The following ROBO1 variants were observed in gnomAD, a reference collection of about 807,000 sequenced individuals.
The protein encoded by ROBO1 is roundabout guidance receptor 1, also known as roundabout homolog 1.
Under a neutral mutation model 195.9 loss-of-function variants are expected in ROBO1, and 149 were observed. That is an observed-to-expected ratio of 0.76 (90% confidence interval 0.67 to 0.87). The LOEUF is 0.87. Among genes scored for constraint, ROBO1 ranks in the 40% least tolerant of loss-of-function variants. ROBO1 has a pLI of 0.00. For missense variants in ROBO1, 1,933 were observed against 2,068.3 expected (o/e 0.93, Z 1.27); for synonymous variants, 816 against 733.2 (o/e 1.11, Z -1.82).
At chr3:79,061,484 A>C (rs2078916389) in intron 3 of ROBO1, among the ~76,000 whole-genome samples, 1 of 152,216 alleles carries the variant, frequency 6.6e-6, no homozygotes, top group South Asian at 2.1e-4. Flanking sequence ...CTTTCTTCAC[A>C]GAATTGGAAA....
At chr3:79,254,825 G>A (rs954177241) in intron 2 of ROBO1, among the ~76,000 whole-genome samples, 5 of 152,058 alleles carry the variant, frequency 3.3e-5, no homozygotes, top group Non-Finnish European at 7.4e-5. Context: ...TTTTCTCTAT[G>A]ATCCTCCTCA....
intron 5 of ROBO1, among the ~76,000 whole-genome samples, chr3:78,720,217 G>A (rs1381759692): frequency 6.6e-6 from 1 of 152,166 alleles, no homozygotes; most frequent in South Asian, 2.1e-4. Flanking sequence ...ACAATGCCTT[G>A]TAAATAGTAA....
At chr3:79,226,073 C>T (rs1355006766) in intron 2 of ROBO1, among the ~76,000 whole-genome samples, 1 of 152,160 alleles carries the variant, frequency 6.6e-6, no homozygotes. Flanking sequence ...TTTTTTTAAC[C>T]TCATATGAAC....
At chr3:78,629,897 G>A (rs1035502269) in intron 25 of ROBO1, among the ~76,000 whole-genome samples, 2 of 152,116 alleles carry the variant, frequency 1.3e-5, no homozygotes, top group African/African-American at 2.4e-5. Flanking sequence ...TCTTGTGTCA[G>A]TTCTCACACG....
intron 1 of ROBO1, among the ~76,000 whole-genome samples, chr3:79,656,274 T>A (rs900948552): frequency 1.3e-4 from 19 of 151,884 alleles, no homozygotes; most frequent in African/African-American, 4.1e-4. Flanking sequence ...ATGTAAAGTC[T>A]GTGGTGAAAG....
At chr3:79,479,221 T>C (rs1196635622) in intron 2 of ROBO1, among the ~76,000 whole-genome samples, 1 of 152,240 alleles carries the variant, frequency 6.6e-6, no homozygotes, top group Admixed American at 6.5e-5. Context: ...GGGGCGGATT[T>C]CGTGGAAGAT....
intron 4 of ROBO1, among the ~76,000 whole-genome samples, chr3:78,773,685 T>C (rs2083434466): frequency 1.3e-5 from 2 of 152,162 alleles, no homozygotes. Context: ...TAGTCTACAC[T>C]CTGTCATGTG....
chr3:78,600,073 C>T (rs1199497741), intron 30 of ROBO1, 40 bp downstream of exon 30: 1 of 1,513,328 alleles, frequency 6.6e-7, no homozygotes, highest in African/African-American at 1.4e-5. Context: ...AAAACAACCA[C>T]AGTCTAACAT....
At chr3:79,473,353 T>C (rs1938383785) in intron 2 of ROBO1, among the ~76,000 whole-genome samples, 1 of 152,074 alleles carries the variant, frequency 6.6e-6, no homozygotes, top group African/African-American at 2.4e-5. Context: ...AAATTGTCTC[T>C]CAGAGACTCC....
intron 2 of ROBO1, among the ~76,000 whole-genome samples, chr3:79,501,315 A>T (rs1159877430): frequency 6.6e-6 from 1 of 152,056 alleles, no homozygotes; most frequent in Non-Finnish European, 1.5e-5. Flanking sequence ...ACGAAGCACC[A>T]CCTCAATGAC....
intron 1 of ROBO1, among the ~76,000 whole-genome samples, chr3:79,722,546 A>T (rs1385111346): frequency 6.6e-6 from 1 of 152,180 alleles, no homozygotes. Flanking sequence ...TGGTCATTCC[A>T]GTTAATTATC....
At chr3:78,752,377 G>A (rs1181472322) in intron 4 of ROBO1, among the ~76,000 whole-genome samples, 1 of 152,056 alleles carries the variant, frequency 6.6e-6, no homozygotes, top group East Asian at 1.9e-4. Context: ...TATGTAAAAT[G>A]TTGACGTCTG....
intron 2 of ROBO1, among the ~76,000 whole-genome samples, chr3:79,324,543 AAG>A (rs1253509085): frequency 2.6e-5 from 4 of 152,132 alleles, no homozygotes; most frequent in African/African-American, 7.2e-5. Context: ...CCTCAATGAC[AAG>A]AGAGAGTTCT....
chr3:79,311,681 C>T (rs145839139), intron 2 of ROBO1, among the ~76,000 whole-genome samples: 1 of 152,022 alleles, frequency 6.6e-6, no homozygotes, highest in African/African-American at 2.4e-5. Context: ...AGAGATGTGG[C>T]CTCCAGTAAT....
chr3:79,630,156 G>A (rs7618126), intron 1 of ROBO1, among the ~76,000 whole-genome samples: 86,687 of 151,776 alleles, frequency 0.57, 26,218 homozygotes, highest in East Asian at 0.89. Flanking sequence ...AACTAGTATC[G>A]TCCTCAAACC....
intron 4 of ROBO1, among the ~76,000 whole-genome samples, chr3:78,778,953 G>A (rs547183143): frequency 1.1e-4 from 16 of 152,042 alleles, no homozygotes; most frequent in Middle Eastern, 3.4e-3. Context: ...ATAACGCCAC[G>A]CATCTACGAC....
At chr3:79,160,186 T>C (rs2080930726) in intron 2 of ROBO1, among the ~76,000 whole-genome samples, 1 of 151,956 alleles carries the variant, frequency 6.6e-6, no homozygotes, top group African/African-American at 2.4e-5. Flanking sequence ...AATTGATTTC[T>C]CAAGCGTTGA....
At chr3:79,537,808 G>T (rs72901975) in intron 2 of ROBO1, among the ~76,000 whole-genome samples, 13,196 of 151,888 alleles carry the variant, frequency 0.087, 589 homozygotes, top group East Asian at 0.16. Context: ...CCAGGTGATG[G>T]GTTGACAGGT....
intron 1 of ROBO1, among the ~76,000 whole-genome samples, chr3:79,746,896 T>G (rs1576313054): frequency 6.6e-6 from 1 of 152,102 alleles, no homozygotes; most frequent in East Asian, 1.9e-4. Context: ...CAATTTCTAA[T>G]TTAGCTTTAA....
Sources: allele counts gnomAD v4.1 joint callset (sites outside exome capture counted in the v4.1 genomes callset), GRCh38; gene constraint gnomAD v4.1.1; transcripts MANE v1.5; gene names NCBI Gene and HGNC (gene_info 2026-07-23, HGNC 2026-07-21).